ATG13: variants seen among roughly 807,000 people sequenced by gnomAD.
ATG13 encodes autophagy related 13, also known as autophagy-related protein 13.
ATG13 carries 23 observed loss-of-function variants against 65.5 expected under a neutral mutation model. That is an observed-to-expected ratio of 0.35 (90% CI 0.25 to 0.50). The LOEUF is 0.50. Among genes scored for constraint, ATG13 ranks in the 20% least tolerant of loss-of-function variants. ATG13 has a pLI of 0.98. For missense variants in ATG13, 566 were observed against 677.0 expected, an observed-to-expected ratio of 0.84 and a Z score of 1.82; for synonymous variants, 252 against 245.2, an observed-to-expected ratio of 1.03 and a Z score of -0.26.
intron 2 of ATG13, among the ~76,000 whole-genome samples, chr11:46,633,026 A>ATATATT (rs1212138126): frequency 1.2e-4 from 11 of 90,706 alleles, no homozygotes; most frequent in African/African-American, 5.8e-4. Flanking sequence ...ATATATATAT[A>ATATATT]TTTTTTTTTT....
rs568285297 is a variant in ATG13 at position 46,649,297 on chromosome 11, A to T, written c.317+114A>T. The T allele has an allele frequency of 2.3e-5, 28 of 1,218,582 alleles. No homozygotes were observed. The African/African-American group carries it at 3.2e-4, about 14-fold the overall frequency. The allele number at this position is 1,218,582 out of a possible 1,614,324, so 75.5% of individuals were successfully genotyped here. ...TCAGGGAGGGCATTCTGACCACTTA[A>T]CAAAGCCAATAGGTCTTTGCTACAA... On this transcript the variant is annotated intron_variant, in intron 6 of 18. Transcript: ENST00000683050.
At chr11:46,666,017 G>C (rs1200595602) in intron 14 of ATG13, among the ~76,000 whole-genome samples, 1 of 151,858 alleles carries the variant, frequency 6.6e-6, no homozygotes, top group Non-Finnish European at 1.5e-5. Context: ...ATATTACCTA[G>C]GCTGGTCTCG....
rs1263536938 is a variant in ATG13, at chr11:46,656,962, G to A, written c.500-133G>A. 6 of 729,890 alleles carry A rather than the reference G, an allele frequency of 8.2e-6. No homozygotes were observed. In the African/African-American group the frequency reaches 8.6e-5, roughly 10 times the overall value. The allele number at this position is 729,890 out of a possible 1,614,324, so 45.2% of individuals were successfully genotyped here. A position where few individuals can be genotyped will look rare whatever the true frequency, so the allele number is the denominator to read the frequency against. ...ACACACACACACATATGAAATTAAG[G>A]CTGCTGCACTTAACATGCTAAGTGG... On this transcript the variant is annotated intron_variant, in intron 8 of 18. Transcript: ENST00000683050.
intron 7 of ATG13, among the ~76,000 whole-genome samples, chr11:46,655,569 G>A (rs1490576273): frequency 6.6e-6 from 1 of 152,144 alleles, no homozygotes; most frequent in Non-Finnish European, 1.5e-5. Flanking sequence ...GCAAGACTCC[G>A]TCTCAAACAA....
chr11:46,659,202 G>T (rs936980854), intron 10 of ATG13, 190 bp from the exon 11 acceptor site: 6 of 536,014 alleles, frequency 1.1e-5, no homozygotes, highest in Non-Finnish European at 2.0e-5. Flanking sequence ...ACAAAACATT[G>T]TCAAACCTCT....
intron 1 of ATG13, chr11:46,620,944 A>G (rs1171119110): frequency 6.6e-6 from 1 of 152,242 alleles, no homozygotes; most frequent in African/African-American, 2.4e-5. Context: ...TGTTTTGGAA[A>G]ATGCTGCTTT....
At chr11:46,640,933 C>T (rs1018687973) in intron 2 of ATG13, among the ~76,000 whole-genome samples, 2 of 152,190 alleles carry the variant, frequency 1.3e-5, no homozygotes, top group Admixed American at 6.5e-5. Flanking sequence ...GCTAAACATA[C>T]GTACCGTGTA....
intron 18 of ATG13, among the ~76,000 whole-genome samples, chr11:46,670,244 A>C (rs1395410129): frequency 6.6e-6 from 1 of 152,170 alleles, no homozygotes; most frequent in Non-Finnish European, 1.5e-5. Context: ...GCACTTTGGG[A>C]GGCCAAGGCA....
intron 2 of ATG13, among the ~76,000 whole-genome samples, chr11:46,638,266 GTC>G (rs1161961481): frequency 3.3e-5 from 5 of 151,972 alleles, no homozygotes; most frequent in Non-Finnish European, 5.9e-5. Flanking sequence ...GCATAACCCT[GTC>G]TCTACTAAAA....
chr11:46,670,975 C>G (rs1443435875), intron 18 of ATG13, among the ~76,000 whole-genome samples: 1 of 152,234 alleles, frequency 6.6e-6, no homozygotes, highest in Non-Finnish European at 1.5e-5. Context: ...TCACACAGAC[C>G]CAGGCAAAAC....
intron 6 of ATG13, among the ~76,000 whole-genome samples, chr11:46,649,476 A>G (rs549588938): frequency 1.3e-5 from 2 of 152,180 alleles, no homozygotes; most frequent in Non-Finnish European, 2.9e-5. Context: ...CTCTGATTAA[A>G]TCCCTTGCGA....
chr11:46,645,221 T>G (rs986286785), intron 3 of ATG13, 118 bp from the exon 4 acceptor site: 39 of 749,504 alleles, frequency 5.2e-5, no homozygotes, highest in Admixed American at 6.2e-5. Context: ...AGTATACTTA[T>G]GATTAATTGG....
intron 6 of ATG13, 75 bp downstream of exon 6, chr11:46,649,258 CT>C (rs757064243): frequency 1.2e-5 from 18 of 1,525,452 alleles, no homozygotes; most frequent in Admixed American, 3.8e-5. Context: ...AAAAGCAGGG[CT>C]TTGTTTTCAG....
At chr11:46,635,271 G>T (rs1313821685) in intron 2 of ATG13, among the ~76,000 whole-genome samples, 2 of 152,130 alleles carry the variant, frequency 1.3e-5, no homozygotes, top group Non-Finnish European at 2.9e-5. Context: ...TTCCCAAAGT[G>T]CTGGGATTAC....
At chr11:46,670,987 A>G (rs968350209) in intron 18 of ATG13, among the ~76,000 whole-genome samples, 1 of 152,196 alleles carries the variant, frequency 6.6e-6, no homozygotes, top group Non-Finnish European at 1.5e-5. Context: ...AGGCAAAACA[A>G]AGCTTTGCTT....
chr11:46,669,659 C>G lies in ATG13; in HGVS notation c.1575+127C>G, dbSNP rs921316973. On this transcript the variant is annotated intron_variant, in intron 18 of 18. Coordinates refer to ENST00000683050, the MANE Select transcript of ATG13 (RefSeq NM_001346311.2). ...GAAAGAGACATAATTAGAAAATTAT[C>G]TTTTGATCACTCTTGAGATTGGCAT... 5.1e-6 allele frequency: 6 copies of G among 1,180,010 alleles called. No individual in the cohort carries two copies. The Admixed American group carries it at 1.3e-4, about 25-fold the overall frequency. 73.1% of individuals were successfully genotyped at this position (1,180,010 alleles called of 1,614,324 possible). A position where few individuals can be genotyped will look rare whatever the true frequency, so the allele number is the denominator to read the frequency against.
intron 16 of ATG13, 60 bp from the exon 17 acceptor site, chr11:46,668,734 T>G (rs2134254450): frequency 4.0e-6 from 6 of 1,517,774 alleles, no homozygotes; most frequent in Non-Finnish European, 4.6e-6. Flanking sequence ...TTCAGATTGT[T>G]TACAGTAACT....
intron 1 of ATG13, among the ~76,000 whole-genome samples, chr11:46,629,701 C>G (rs993909798): frequency 6.6e-6 from 1 of 152,076 alleles, no homozygotes; most frequent in African/African-American, 2.4e-5. Flanking sequence ...CTGGCCGACC[C>G]TGCTTAATCT....
At chr11:46,654,300 T>TATATATAG (rs2059576187) in intron 7 of ATG13, among the ~76,000 whole-genome samples, 1 of 143,832 alleles carries the variant, frequency 7.0e-6, no homozygotes, top group Non-Finnish European at 1.5e-5. Context: ...TATATATATA[T>TATATATAG]ATATATATAT....
Sources: allele counts gnomAD v4.1 joint callset (sites outside exome capture counted in the v4.1 genomes callset), GRCh38; gene constraint gnomAD v4.1.1; transcripts MANE v1.5; gene names NCBI Gene and HGNC (gene_info 2026-07-23, HGNC 2026-07-21).